PRTFDC1: variants seen among roughly 807,000 people sequenced by gnomAD.
PRTFDC1 encodes the protein phosphoribosyl transferase domain containing 1.
Under a neutral mutation model 34.6 loss-of-function variants are expected in PRTFDC1, and 38 were observed. The ratio of observed to expected loss-of-function variants is 1.10; its 90% CI spans 0.85 to 1.44. The LOEUF is 1.44. Ranked by LOEUF, PRTFDC1 falls within the 40% of genes most tolerant of loss-of-function variation. The pLI is 0.00. For synonymous variants in PRTFDC1, 93 were observed against 98.1 expected (o/e 0.95, Z 0.31); for missense variants, 270 against 283.0 (o/e 0.95, Z 0.33).
chr10:24,891,382 C>A (rs1848258838), intron 3 of PRTFDC1, among the ~76,000 whole-genome samples: 1 of 152,116 alleles, frequency 6.6e-6, no homozygotes, highest in African/African-American at 2.4e-5. Context: ...AAGGGAATGA[C>A]TTTTATTGCT....
intron 1 of PRTFDC1, chr10:24,951,653 A>T (rs890942217): frequency 1.0e-6 from 1 of 970,642 alleles, no homozygotes; most frequent in Non-Finnish European, 1.2e-6. Context: ...CCTCACCACC[A>T]TTGAGTTTCA....
intron 1 of PRTFDC1, among the ~76,000 whole-genome samples, chr10:24,943,413 A>C (rs1373380682): frequency 6.6e-6 from 1 of 152,198 alleles, no homozygotes; most frequent in African/African-American, 2.4e-5. Context: ...TACGGTTAGA[A>C]TAGTAAAGAG....
chr10:24,857,445 G>A (rs1407109484), intron 5 of PRTFDC1, among the ~76,000 whole-genome samples: 1 of 152,164 alleles, frequency 6.6e-6, no homozygotes, highest in Non-Finnish European at 1.5e-5. Context: ...TCTATGGCTG[G>A]GAAGTGAGAG....
chr10:24,944,375 A>AG (rs1315849020), intron 1 of PRTFDC1, among the ~76,000 whole-genome samples: 3 of 152,058 alleles, frequency 2.0e-5, no homozygotes, highest in Admixed American at 6.6e-5. Flanking sequence ...CCCCACCCCC[A>AG]GGCCAGTCCA....
intron 3 of PRTFDC1, among the ~76,000 whole-genome samples, chr10:24,916,900 C>A (rs1430327828): frequency 4.6e-5 from 7 of 152,298 alleles, no homozygotes; most frequent in Middle Eastern, 3.4e-3. Flanking sequence ...TCTTTCCCAA[C>A]AAGGCTATCT....
intron 4 of PRTFDC1, chr10:24,868,241 C>T (rs1847818545): frequency 6.6e-6 from 1 of 152,222 alleles, no homozygotes; most frequent in African/African-American, 2.4e-5. Context: ...TAGTCACAAA[C>T]CCTTCTATTC....
chr10:24,909,334 T>G (rs1431836740), intron 3 of PRTFDC1, among the ~76,000 whole-genome samples: 1 of 152,224 alleles, frequency 6.6e-6, no homozygotes, highest in Non-Finnish European at 1.5e-5. Context: ...TTGTAGAACT[T>G]TTAATACATA....
chr10:24,941,500 C>A (rs1849157461), intron 2 of PRTFDC1, among the ~76,000 whole-genome samples: 2 of 151,962 alleles, frequency 1.3e-5, no homozygotes, highest in South Asian at 4.2e-4. Flanking sequence ...CATGCCATAG[C>A]CCCTGGCTTA....
chr10:24,937,153 A>G, intron 3 of PRTFDC1, 31 bp downstream of exon 3: 13 of 1,535,496 alleles, frequency 8.5e-6, no homozygotes, highest in Non-Finnish European at 1.2e-5. Context: ...GTTAAATGAA[A>G]TGTCATAAAG....
At chr10:24,925,556 A>T (rs962391639) in intron 3 of PRTFDC1, among the ~76,000 whole-genome samples, 1 of 152,238 alleles carries the variant, frequency 6.6e-6, no homozygotes, top group Admixed American at 6.5e-5. Flanking sequence ...AGATTAATAC[A>T]AGCATATTTT....
At chr10:24,869,617 T>C (rs1161473531) in intron 4 of PRTFDC1, among the ~76,000 whole-genome samples, 1 of 152,218 alleles carries the variant, frequency 6.6e-6, no homozygotes. Flanking sequence ...CCAAGGCATA[T>C]TGGAAGGCCT....
Position 24,952,109 on chromosome 10 carries a change from A to G in PRTFDC1, c.48+419T>C, listed in dbSNP as rs1480186537. On this transcript the variant is annotated intron_variant, in intron 1 of 8. Transcript: ENST00000320152. The surrounding 1 kb of genome is among the most constrained non-coding windows in gnomAD (Gnocchi z 5.1). ...TTCAAAACCCCTCAGTGTGCTTTTT[A>G]AAAACAAAACTTGAAGCCCGCCCTG... is the stretch of plus-strand genomic sequence containing the variant. Among the ~76,000 whole-genome samples, 2 of 152,194 alleles carry G rather than the reference A, an allele frequency of 1.3e-5. No homozygotes were observed. Among genetic ancestry groups the G allele is most frequent in the Admixed American group, 6.5e-5 (1 of 15,286 alleles).
chr10:24,925,377 C>T (rs182813895), intron 3 of PRTFDC1, among the ~76,000 whole-genome samples: 323 of 152,012 alleles, frequency 2.1e-3, no homozygotes, highest in African/African-American at 7.6e-3. Flanking sequence ...ATGTAAATGT[C>T]GAGTCAATGG....
At position 24,937,421 on chromosome 10, in the gene PRTFDC1, T is replaced by A; in HGVS notation, c.156-54A>T. ...GCACAACTACTTCTGAGTATTTATGTTGCTTTAATGAAATGCAAGATGTAT... is the reference window on the plus strand; with the variant it reads ...GCACAACTACTTCTGAGTATTTATGATGCTTTAATGAAATGCAAGATGTAT... On this transcript the variant is annotated intron_variant, in intron 2 of 8. Coordinates refer to ENST00000320152, the MANE Select transcript of PRTFDC1 (RefSeq NM_020200.7). 4 of 1,490,418 alleles carry A rather than the reference T, an allele frequency of 2.7e-6. No homozygotes were observed. In the Middle Eastern group the frequency reaches 5.3e-4, roughly 197 times the overall value. 92.3% of individuals were successfully genotyped at this position (1,490,418 alleles called of 1,614,324 possible).
intron 4 of PRTFDC1, among the ~76,000 whole-genome samples, chr10:24,870,926 C>T (rs1407955216): frequency 6.6e-6 from 1 of 151,750 alleles, no homozygotes; most frequent in South Asian, 2.1e-4. Context: ...ACAAAAATTA[C>T]CCGGGCATGG....
chr10:24,908,387 A>G (rs757415637), intron 3 of PRTFDC1: 175 of 1,332,978 alleles, frequency 1.3e-4, no homozygotes, highest in Admixed American at 7.0e-5. Context: ...GAAATACATC[A>G]TCCAGCAGAC....
intron 3 of PRTFDC1, among the ~76,000 whole-genome samples, chr10:24,913,096 T>C (rs975916810): frequency 2.0e-5 from 3 of 152,178 alleles, no homozygotes; most frequent in African/African-American, 4.8e-5. Flanking sequence ...GTATGGCAAC[T>C]AAAAGTTTTA....
At chr10:24,944,065 C>T (rs563745098) in intron 1 of PRTFDC1, among the ~76,000 whole-genome samples, 1 of 152,212 alleles carries the variant, frequency 6.6e-6, no homozygotes, top group African/African-American at 2.4e-5. Context: ...TTCATCCTCT[C>T]TCCCCCTTTC....
chr10:24,942,523 T>G, intron 1 of PRTFDC1, 87 bp from the exon 2 acceptor site: 1 of 1,066,538 alleles, frequency 9.4e-7, no homozygotes, highest in Non-Finnish European at 1.4e-6. Context: ...GAGAGGAGAA[T>G]TCCCTCAACT....
Sources: gnomAD v4.1 joint callset for allele counts (sites outside exome capture counted in the v4.1 genomes callset) on GRCh38, gnomAD v4.1.1 for gene constraint, Gnocchi (gnomAD v3.1) non-coding constraint, MANE v1.5 for transcripts, NCBI Gene and HGNC (gene_info 2026-07-23, HGNC 2026-07-21) for gene names.